Variants in CYLD observed in about 807,000 individuals in gnomAD.
The protein encoded by CYLD is CYLD lysine 63 deubiquitinase, also known as ubiquitin carboxyl-terminal hydrolase CYLD.
A neutral mutation model predicts 104.5 loss-of-function variants in CYLD; 26 were observed. That is an observed-to-expected ratio of 0.25 (90% CI 0.18 to 0.35). The LOEUF (loss-of-function observed/expected upper bound fraction) is 0.35. CYLD is among the 10% of genes least tolerant of loss of function. The probability of loss-of-function intolerance (pLI) is 1.00; values close to 1 mark genes in which losing one functional copy is unlikely to be tolerated. For missense variants in CYLD, 703 were observed against 1,136.1 expected, an observed-to-expected ratio of 0.62 and a Z score of 5.48; for synonymous variants, 385 against 399.9, an observed-to-expected ratio of 0.96 and a Z score of 0.45.
chr16:50,757,492 C>A (rs1017938731), intron 5 of CYLD, among the ~76,000 whole-genome samples: 1 of 151,964 alleles, frequency 6.6e-6, no homozygotes, highest in Non-Finnish European at 1.5e-5. Context: ...CAGGAAAAAG[C>A]ATATATGTGC....
chr16:50,778,005 GT>G, intron 8 of CYLD, 64 bp downstream of exon 8: 1 of 946,462 alleles, frequency 1.1e-6, no homozygotes. Context: ...GAGAAAAATG[GT>G]TTTTTATATC....
chr16:50,776,554 T>C (rs532811056), intron 7 of CYLD, among the ~76,000 whole-genome samples: 66 of 152,320 alleles, frequency 4.3e-4, no homozygotes, highest in African/African-American at 1.3e-3. Flanking sequence ...GGAATATTTG[T>C]ATGTATAGTT....
chr16:50,790,591 G>T (rs1313321690), intron 14 of CYLD, among the ~76,000 whole-genome samples: 1 of 151,840 alleles, frequency 6.6e-6, no homozygotes, highest in Non-Finnish European at 1.5e-5. Context: ...TCATCTGTTT[G>T]TATTTGTTGT....
intron 5 of CYLD, 93 bp downstream of exon 5, chr16:50,754,517 TG>T (rs1335149862): frequency 1.2e-6 from 1 of 856,532 alleles, no homozygotes; most frequent in African/African-American, 1.7e-5. Context: ...GAACAGGTGG[TG>T]TTTGGTTACA....
At chr16:50,742,609 A>C in intron 1 of CYLD, 153 bp from the exon 2 acceptor site, 6 of 255,774 alleles carry the variant, frequency 2.3e-5, no homozygotes, top group Non-Finnish European at 2.9e-5. Context: ...CCCGACGGCC[A>C]CGGTTGGCCT....
In CYLD at chr16:50,751,614, G is replaced by C; in HGVS notation, c.515G>C (p.Arg172Pro). The C allele has an allele frequency of 6.2e-7, 1 of 1,613,246 alleles. No individual in the cohort carries two copies. The highest frequency in any genetic ancestry group is 8.5e-7 in the Non-Finnish European group (1 of 1,179,472). Reference protein sequence around the residue: ...FFGVELLEEGRGQGFTDGVYQ... With the variant: ...FFGVELLEEGPGQGFTDGVYQ... ...TCTCTTAAAAACTAGGAAGAAGGTC[G>C]TGGTCAAGGTTTCACTGACGGGGTG... The change falls in exon 4 of 19, where the codon CGT becomes CCT. Residue 172 changes from arginine (R) to proline (P), a missense_variant. By Grantham distance (103) the Arg-to-Pro change is moderately radical. This residue lies in a region of CYLD where 123 missense variants were observed against 213.3 expected (regional missense o/e 0.58). Coordinates refer to ENST00000427738, the MANE Select transcript of CYLD (RefSeq NM_001378743.1).
At position 50,766,494 on chromosome 16, in the gene CYLD, A is replaced by G. The variant is rs539056028; in HGVS notation, c.914-8672A>G. On this transcript the variant is annotated intron_variant, in intron 5 of 18. Coordinates refer to ENST00000427738, the MANE Select transcript of CYLD (RefSeq NM_001378743.1). ...ACAATAACTGTTCTGCAGCATATGG[A>G]TCAAGGAGTAATTTCTATTTGCAAG... Among the ~76,000 whole-genome samples, 14 of 152,340 alleles carry G rather than the reference A, an allele frequency of 9.2e-5. 2 individuals are homozygous for G. The highest frequency in any genetic ancestry group is 3.4e-4 in the African/African-American group (14 of 41,582).
intron 3 of CYLD, 27 bp downstream of exon 3, chr16:50,750,229 T>C: frequency 6.2e-7 from 1 of 1,611,424 alleles, no homozygotes; most frequent in South Asian, 1.1e-5. Context: ...ATTTTAGTAG[T>C]GTGTTTGTTT....
Position 50,788,181 on chromosome 16 carries a change from C to T in CYLD, c.2108+329C>T, listed in dbSNP as rs752623875. The stretch of plus-strand genomic sequence containing the variant: ...ACCTTTTAAGAAAAAATATCTCATT[C>T]TAACTTAATCAGACACTTCAAGAAG... On this transcript the variant is annotated intron_variant, in intron 14 of 18. Coordinates refer to ENST00000427738, the MANE Select transcript of CYLD (RefSeq NM_001378743.1). Among the ~76,000 whole-genome samples, 94 of 152,106 alleles carry T rather than the reference C, an allele frequency of 6.2e-4. 1 individual carries two copies. Among genetic ancestry groups the T allele is most frequent in the Non-Finnish European group, 1.1e-3 (78 of 68,016 alleles).
chr16:50,797,803 T>C lies in CYLD; in HGVS notation c.*1295T>C, dbSNP rs1465329104. On this transcript the variant is annotated 3_prime_UTR_variant, in exon 19 of 19. Coordinates refer to ENST00000427738, the MANE Select transcript of CYLD (RefSeq NM_001378743.1). Reference sequence around the variant, plus strand: ...TGTGACAAAAAGTGGAAAGAATCTTTACAAACCCTGCAATTACTTTTTTAA... The same window carrying C: ...TGTGACAAAAAGTGGAAAGAATCTTCACAAACCCTGCAATTACTTTTTTAA... 8.6e-6 allele frequency: 2 copies of C among 232,672 alleles called. No individual in the cohort carries two copies. Among genetic ancestry groups the C allele is most frequent in the Non-Finnish European group, 1.7e-5 (2 of 117,740 alleles). 14.4% of individuals were successfully genotyped at this position (232,672 alleles called of 1,614,324 possible). A position where few individuals can be genotyped will look rare whatever the true frequency, so the allele number is the denominator to read the frequency against.
At chr16:50,763,030 T>C (rs1400377988) in intron 5 of CYLD, among the ~76,000 whole-genome samples, 1 of 152,192 alleles carries the variant, frequency 6.6e-6, no homozygotes, top group Non-Finnish European at 1.5e-5. Flanking sequence ...CCCAAACCCT[T>C]CATCCTTGTT....
chr16:50,753,913 G>A (rs1160901992), intron 4 of CYLD, among the ~76,000 whole-genome samples: 2 of 152,102 alleles, frequency 1.3e-5, no homozygotes, highest in African/African-American at 4.8e-5. Context: ...AAGAACTTAG[G>A]GCTAATTAGA....
chr16:50,749,971 G>C lies in CYLD; in HGVS notation c.273G>C (p.Glu91Asp), dbSNP rs536645303. 3.1e-6 allele frequency: 5 copies of C among 1,614,132 alleles called. No homozygotes were observed. The highest frequency in any genetic ancestry group is 4.2e-6 in the Non-Finnish European group (5 of 1,180,010). The change falls in exon 3 of 19, where the codon GAG (glutamate) becomes GAC (aspartate). Residue 91 changes from glutamate to aspartate, a missense_variant. Physicochemically the swap from Glu to Asp is conservative, Grantham distance 45 (BLOSUM62 2). This residue lies in a region of CYLD where 142 missense variants were observed against 165.1 expected (regional missense o/e 0.86). Transcript: ENST00000427738. ...VLFVDEKDVV[E>D]INEKFTELLL... ...TTGTTGATGAAAAGGATGTTGTAGA[G>C]ATAAATGAAAAGTTCACAGAGTTAC...
intron 18 of CYLD, chr16:50,795,756 A>G: frequency 3.4e-6 from 2 of 591,864 alleles, no homozygotes; most frequent in Admixed American, 3.0e-5. Flanking sequence ...AAACAGCGTA[A>G]CACAACAGCA....
chr16:50,769,848 G>A (rs907337104), intron 5 of CYLD, among the ~76,000 whole-genome samples: 1 of 152,076 alleles, frequency 6.6e-6, no homozygotes, highest in African/African-American at 2.4e-5. Flanking sequence ...ATCTGCTGTC[G>A]ATTTCTGTAA....
Position 50,776,254 on chromosome 16 carries a change from G to A in CYLD, c.998G>A (p.Ser333Asn), listed in dbSNP as rs1969672682. The stretch of plus-strand genomic sequence containing the variant: ...GGTGTTGGGGACAAAGGTTCATCCA[G>A]TCATAATAAACCAAAGGCTACAGGT... ...SRGVGDKGSS[S>N]HNKPKATGST... Residue 333 changes from serine (S) to asparagine (N), a missense_variant, in exon 7 of 19, where the codon AGT becomes AAT. Ser to Asn is a conservative substitution (Grantham distance 46). Transcript: ENST00000427738. 6.2e-7 allele frequency: 1 copy of A among 1,613,256 alleles called. No homozygotes were observed. Among genetic ancestry groups the A allele is most frequent in the African/African-American group, 1.3e-5 (1 of 74,860 alleles).
intron 3 of CYLD, among the ~76,000 whole-genome samples, chr16:50,750,658 A>G (rs1198010222): frequency 1.3e-5 from 2 of 152,224 alleles, no homozygotes; most frequent in Non-Finnish European, 2.9e-5. Flanking sequence ...TGGTAGGAAC[A>G]TACAAAGAGA....
intron 2 of CYLD, among the ~76,000 whole-genome samples, chr16:50,746,844 T>C (rs150632011): frequency 4.0e-4 from 61 of 151,996 alleles, no homozygotes; most frequent in African/African-American, 1.2e-3. Context: ...GTCTTAATAA[T>C]AGATTATTAG....
chr16:50,771,436 T>A (rs534038005), intron 5 of CYLD, among the ~76,000 whole-genome samples: 1 of 152,352 alleles, frequency 6.6e-6, no homozygotes, highest in African/African-American at 2.4e-5. Context: ...TTTCTAGTTT[T>A]TGACTATTAT....
Sources: allele counts gnomAD v4.1 joint callset (sites outside exome capture counted in the v4.1 genomes callset), GRCh38; gene constraint gnomAD v4.1.1; regional missense constraint gnomAD v4.1.1; transcripts MANE v1.5; gene names NCBI Gene and HGNC (gene_info 2026-07-23, HGNC 2026-07-21).